GAB2: variants seen among roughly 807,000 people sequenced by gnomAD.
GAB2 encodes the protein GRB2 associated binding protein 2.
GAB2 carries 26 observed loss-of-function variants against 65.5 expected under a neutral mutation model. That is an observed-to-expected ratio of 0.40 (90% confidence interval 0.29 to 0.55). The LOEUF (loss-of-function observed/expected upper bound fraction) is 0.55. GAB2 is among the 20% of genes least tolerant of loss of function. The pLI is 0.53. For missense variants in GAB2, 884 were observed against 875.8 expected, an observed-to-expected ratio of 1.01 and a Z score of -0.12; for synonymous variants, 321 against 329.6, an observed-to-expected ratio of 0.97 and a Z score of 0.28.
chr11:78,242,124 A>T (rs926711727), intron 3 of GAB2, among the ~76,000 whole-genome samples: 5 of 34,528 alleles, frequency 1.4e-4, no homozygotes, highest in Non-Finnish European at 9.0e-4. Context: ...ATCAGTAACA[A>T]GAGGAAATTT....
At chr11:78,310,547 T>G (rs1293857758) in intron 1 of GAB2, among the ~76,000 whole-genome samples, 2 of 142,924 alleles carry the variant, frequency 1.4e-5, no homozygotes, top group Admixed American at 6.9e-5. Flanking sequence ...AAAATCAAAA[T>G]GAAAGTTATG....
intron 1 of GAB2, among the ~76,000 whole-genome samples, chr11:78,300,684 G>GT (rs1491587604): frequency 5.2e-5 from 7 of 134,010 alleles, no homozygotes; most frequent in Non-Finnish European, 4.7e-5. Context: ...TTTTTTTTTT[G>GT]GTTTTTTTTT....
rs757895204 is a variant in GAB2, at chr11:78,226,958, G to T, written c.714C>A (p.Val238=). 3 of 1,613,584 alleles carry T rather than the reference G, an allele frequency of 1.9e-6. No individual in the cohort carries two copies. The Admixed American group carries it at 5.0e-5, about 27-fold the overall frequency. The change falls in exon 4 of 10, where the codon GTC becomes GTA. Residue 238 remains valine (V), a synonymous_variant. Transcript: ENST00000361507. Reference sequence around the variant, plus strand: ...CATGGACTTGACCACTGATCCCGTTGACACAGTGTCCATTGCCCTGGGCAA... The same window carrying T: ...CATGGACTTGACCACTGATCCCGTTTACACAGTGTCCATTGCCCTGGGCAA... ...QKLAQGNGHC[V]NGISGQVHGF...
intron 1 of GAB2, among the ~76,000 whole-genome samples, chr11:78,407,385 C>G (rs900689444): frequency 2.6e-5 from 4 of 152,010 alleles, no homozygotes. Context: ...AATCCCAGCA[C>G]TTTGGGAGGC....
At chr11:78,411,656 T>A (rs958787859) in intron 1 of GAB2, among the ~76,000 whole-genome samples, 6 of 151,924 alleles carry the variant, frequency 3.9e-5, no homozygotes, top group African/African-American at 1.5e-4. Flanking sequence ...TCAATCTAAG[T>A]CTCACATCTT....
At chr11:78,378,518 T>C (rs1471431990) in intron 1 of GAB2, among the ~76,000 whole-genome samples, 1 of 152,214 alleles carries the variant, frequency 6.6e-6, no homozygotes, top group Non-Finnish European at 1.5e-5. Flanking sequence ...CAAGATCCCA[T>C]TCAATTCTCA....
At chr11:78,261,455 A>T (rs570145105) in intron 2 of GAB2, among the ~76,000 whole-genome samples, 55 of 152,342 alleles carry the variant, frequency 3.6e-4, no homozygotes, top group African/African-American at 1.3e-3. Flanking sequence ...GTTATCACTT[A>T]GTGAGGTTTT....
intron 1 of GAB2, among the ~76,000 whole-genome samples, chr11:78,390,320 T>C (rs1856818985): frequency 6.6e-6 from 1 of 151,978 alleles, no homozygotes; most frequent in East Asian, 1.9e-4. Context: ...CCTTAAACAG[T>C]CTCATAAAAA....
chr11:78,371,937 C>T (rs1353086395), intron 1 of GAB2, among the ~76,000 whole-genome samples: 2 of 152,192 alleles, frequency 1.3e-5, no homozygotes, highest in Non-Finnish European at 2.9e-5. Flanking sequence ...CTAAAACCTT[C>T]ATTCCCATAA....
chr11:78,284,336 A>C (rs919574406), intron 1 of GAB2, among the ~76,000 whole-genome samples: 1 of 152,246 alleles, frequency 6.6e-6, no homozygotes, highest in East Asian at 1.9e-4. Flanking sequence ...CCGCAAAGTA[A>C]GAAAGCAGGA....
chr11:78,350,298 G>A (rs1856256811), intron 1 of GAB2, among the ~76,000 whole-genome samples: 4 of 152,202 alleles, frequency 2.6e-5, no homozygotes, highest in Admixed American at 2.6e-4. Flanking sequence ...CAGAGGAAAA[G>A]TAAAGAGGCC....
At chr11:78,320,896 G>A (rs1445742862) in intron 1 of GAB2, among the ~76,000 whole-genome samples, 1 of 152,098 alleles carries the variant, frequency 6.6e-6, no homozygotes, top group East Asian at 1.9e-4. Context: ...TATAGTCCCA[G>A]TAAGAAATTA....
At chr11:78,389,047 C>T (rs1856801982) in intron 1 of GAB2, among the ~76,000 whole-genome samples, 1 of 152,202 alleles carries the variant, frequency 6.6e-6, no homozygotes, top group Non-Finnish European at 1.5e-5. Flanking sequence ...TAAGCATTTA[C>T]TCAACAGGTG....
chr11:78,377,425 A>G (rs1273209163), intron 1 of GAB2, among the ~76,000 whole-genome samples: 1 of 152,168 alleles, frequency 6.6e-6, no homozygotes, highest in Non-Finnish European at 1.5e-5. Flanking sequence ...CTCTACTCTC[A>G]TGACTCAATT....
chr11:78,309,910 T>C (rs1344709663), intron 1 of GAB2, among the ~76,000 whole-genome samples: 1 of 141,970 alleles, frequency 7.0e-6, no homozygotes, highest in Non-Finnish European at 1.5e-5. Flanking sequence ...ACGGTTCACT[T>C]TGGGGAGGGT....
chr11:78,319,240 A>T (rs1385070753), intron 1 of GAB2, among the ~76,000 whole-genome samples: 1 of 152,174 alleles, frequency 6.6e-6, no homozygotes, highest in African/African-American at 2.4e-5. Flanking sequence ...AAAGATTTTC[A>T]TGACAATTCC....
chr11:78,291,014 A>G (rs909770062), intron 1 of GAB2, among the ~76,000 whole-genome samples: 3 of 152,154 alleles, frequency 2.0e-5, no homozygotes, highest in Non-Finnish European at 4.4e-5. Flanking sequence ...CATGACAGCA[A>G]CCATACACAA....
In GAB2 at chr11:78,267,857, C is replaced by CAAAAAAAAAAAAAAAAAA. The variant is rs751533828; in HGVS notation, c.376+12726_376+12743dup. ...TGGGTGATAGAGCGAGACTCCGTCT[C>CAAAAAAAAAAAAAAAAAA]AAAAAAAAAAAAAAAAAAAAAAAAG... On this transcript the variant is annotated intron_variant, in intron 2 of 9. Transcript: ENST00000361507. Among the ~76,000 whole-genome samples, 285 of 32,794 alleles carry CAAAAAAAAAAAAAAAAAA rather than the reference C, an allele frequency of 8.7e-3. 28 individuals are homozygous for CAAAAAAAAAAAAAAAAAA. The highest frequency in any genetic ancestry group is 0.018 in the East Asian group (11 of 614). The allele number at this position is 32,794 out of a possible 152,430, so 21.5% of individuals were successfully genotyped here. A position where few individuals can be genotyped will look rare whatever the true frequency, so the allele number is the denominator to read the frequency against.
intron 1 of GAB2, among the ~76,000 whole-genome samples, chr11:78,286,122 G>A (rs1156529372): frequency 1.3e-5 from 2 of 152,142 alleles, no homozygotes; most frequent in Non-Finnish European, 2.9e-5. Flanking sequence ...TTATTCTAAT[G>A]CTGAGGATAC....
Sources: gnomAD v4.1 joint callset for allele counts (sites outside exome capture counted in the v4.1 genomes callset) on GRCh38, gnomAD v4.1.1 for gene constraint, MANE v1.5 for transcripts, NCBI Gene and HGNC (gene_info 2026-07-23, HGNC 2026-07-21) for gene names.